Variants in TRIO observed in about 807,000 individuals in gnomAD.
TRIO encodes the protein triple functional domain protein.
Under a neutral mutation model 351.9 loss-of-function variants are expected in TRIO, and 58 were observed. The observed-to-expected ratio is 0.16, with a 90% CI of 0.13 to 0.21. TRIO has a LOEUF of 0.21. TRIO is among the 10% of genes least tolerant of loss of function. The probability of loss-of-function intolerance (pLI) is 1.00; values close to 1 mark genes in which losing one functional copy is unlikely to be tolerated. For missense variants in TRIO, 3,201 were observed against 4,027.8 expected, an observed-to-expected ratio of 0.79 and a Z score of 5.56; for synonymous variants, 1,758 against 1,595.7, an observed-to-expected ratio of 1.10 and a Z score of -2.42.
intron 1 of TRIO, among the ~76,000 whole-genome samples, chr5:14,236,252 A>G (rs1793762076): frequency 6.6e-6 from 1 of 152,200 alleles, no homozygotes; most frequent in African/African-American, 2.4e-5. Context: ...AATGTGTTAA[A>G]AATTTTAGTG....
intron 1 of TRIO, among the ~76,000 whole-genome samples, chr5:14,162,621 G>A (rs1157891728): frequency 2.0e-5 from 3 of 152,024 alleles, no homozygotes; most frequent in Non-Finnish European, 4.4e-5. Flanking sequence ...AGAATAATGA[G>A]CCTGTCTTCC....
chr5:14,300,481 C>T (rs1225754719), intron 7 of TRIO, among the ~76,000 whole-genome samples: 1 of 152,244 alleles, frequency 6.6e-6, no homozygotes, highest in Non-Finnish European at 1.5e-5. Flanking sequence ...ATACACATTT[C>T]TATCCACTCG....
chr5:14,388,373 C>T (rs1446828324), intron 23 of TRIO, among the ~76,000 whole-genome samples: 1 of 152,168 alleles, frequency 6.6e-6, no homozygotes, highest in African/African-American at 2.4e-5. Context: ...CCCCAGATGT[C>T]CACAGTGCCA....
chr5:14,217,887 G>T (rs1048008382), intron 1 of TRIO, among the ~76,000 whole-genome samples: 2 of 152,168 alleles, frequency 1.3e-5, no homozygotes, highest in African/African-American at 4.8e-5. Context: ...CTTTTACACC[G>T]TATTGCCAGT....
chr5:14,465,970 G>C (rs991850945), intron 37 of TRIO: 7 of 315,298 alleles, frequency 2.2e-5, no homozygotes, highest in African/African-American at 1.5e-4. Context: ...GCAGACAGAG[G>C]ATTGCCAACC....
At chr5:14,438,429 C>T (rs1354886745) in intron 34 of TRIO, among the ~76,000 whole-genome samples, 1 of 152,240 alleles carries the variant, frequency 6.6e-6, no homozygotes, top group Non-Finnish European at 1.5e-5. Flanking sequence ...TCAAGCCTTT[C>T]AGTAGCTTCC....
At chr5:14,268,606 A>G (rs919778473) in intron 1 of TRIO, among the ~76,000 whole-genome samples, 1 of 152,226 alleles carries the variant, frequency 6.6e-6, no homozygotes, top group Non-Finnish European at 1.5e-5. Context: ...TCTGAGCAAC[A>G]GAAGGGGGAA....
chr5:14,454,086 T>G (rs1753055343), intron 34 of TRIO, among the ~76,000 whole-genome samples: 1 of 152,130 alleles, frequency 6.6e-6, no homozygotes, highest in Non-Finnish European at 1.5e-5. Flanking sequence ...TGCGACACGA[T>G]GCCAACTAAT....
chr5:14,152,861 G>T (rs914783100), intron 1 of TRIO, among the ~76,000 whole-genome samples: 3 of 152,228 alleles, frequency 2.0e-5, no homozygotes, highest in African/African-American at 7.2e-5. Flanking sequence ...CATGGCAGGG[G>T]CTTCACTGTA....
In TRIO at chr5:14,461,132, C is replaced by T. The variant is rs1753764441; in HGVS notation, c.5317C>T (p.Leu1773=). 1.3e-6 allele frequency: 2 copies of T among 1,556,818 alleles called. No individual in the cohort carries two copies. Among genetic ancestry groups the T allele is most frequent in the Non-Finnish European group, 1.7e-6 (2 of 1,151,046 alleles). ...SPGPKRPGNT[L]RKWLTSPVRR... Reference sequence around the variant, plus strand: ...GGGCCCCAAGCGGCCGGGCAACACCCTGCGCAAGTGGCTCACCAGCCCCGT... The same window carrying T: ...GGGCCCCAAGCGGCCGGGCAACACCTTGCGCAAGTGGCTCACCAGCCCCGT... The change falls in exon 35 of 57, where the codon CTG becomes TTG. Residue 1773 remains leucine, a synonymous_variant. Coordinates refer to ENST00000344204, the MANE Select transcript of TRIO (RefSeq NM_007118.4).
intron 46 of TRIO, among the ~76,000 whole-genome samples, chr5:14,484,087 G>C (rs1190202459): frequency 6.8e-6 from 1 of 146,220 alleles, no homozygotes; most frequent in Admixed American, 6.8e-5. Context: ...CATCCATCCC[G>C]GGCACTGCAC....
rs146286068 is a variant in TRIO, at chr5:14,197,852, C to T, written c.157+53970C>T. ...AAAGGAACCCTGAATATAAGGTACCCGAATCTCTTATACTGGACTGCAAGC... is the reference window on the plus strand; with the variant it reads ...AAAGGAACCCTGAATATAAGGTACCTGAATCTCTTATACTGGACTGCAAGC... On this transcript the variant is annotated intron_variant, in intron 1 of 56. Transcript: ENST00000344204. 9.2e-5 allele frequency among the ~76,000 whole-genome samples: 14 copies of T among 152,244 alleles called. No homozygotes were observed. The East Asian group carries it at 9.7e-4, about 10-fold the overall frequency.
At chr5:14,409,949 G>A (rs1749058372) in intron 33 of TRIO, among the ~76,000 whole-genome samples, 1 of 151,598 alleles carries the variant, frequency 6.6e-6, no homozygotes, top group South Asian at 2.1e-4. Flanking sequence ...AGCCTGCCAC[G>A]CAGCAACACT....
chr5:14,333,611 ATCTGT>A (rs1741110320), intron 10 of TRIO, among the ~76,000 whole-genome samples: 2 of 152,136 alleles, frequency 1.3e-5, no homozygotes, highest in African/African-American at 4.8e-5. Context: ...TCTTTTTCCT[ATCTGT>A]TCTAAGTTCC....
At chr5:14,316,467 G>C in intron 8 of TRIO, 46 bp from the exon 9 acceptor site, 1 of 1,603,642 alleles carries the variant, frequency 6.2e-7, no homozygotes, top group Non-Finnish European at 8.5e-7. Context: ...CACAGCCTAG[G>C]CCAAACCTCA....
At chr5:14,251,410 G>T (rs1160270410) in intron 1 of TRIO, among the ~76,000 whole-genome samples, 1 of 152,148 alleles carries the variant, frequency 6.6e-6, no homozygotes, top group African/African-American at 2.4e-5. Flanking sequence ...AAAAATCATG[G>T]CACCCAAATC....
intron 12 of TRIO, among the ~76,000 whole-genome samples, chr5:14,358,868 A>T (rs1275257505): frequency 6.6e-6 from 1 of 152,010 alleles, no homozygotes; most frequent in Non-Finnish European, 1.5e-5. Flanking sequence ...GGACCATTTA[A>T]CCCCCTACTG....
intron 1 of TRIO, among the ~76,000 whole-genome samples, chr5:14,233,278 C>T (rs762176429): frequency 2.9e-5 from 4 of 140,200 alleles, no homozygotes; most frequent in African/African-American, 5.4e-5. Flanking sequence ...CCCAGGAGTT[C>T]GAGACCAGCC....
At chr5:14,293,831 A>C (rs1737114962) in intron 6 of TRIO, among the ~76,000 whole-genome samples, 1 of 152,148 alleles carries the variant, frequency 6.6e-6, no homozygotes, top group Non-Finnish European at 1.5e-5. Flanking sequence ...TCTATAGGAC[A>C]TTTGCTTGCC....
Sources: gnomAD v4.1 joint callset for allele counts (sites outside exome capture counted in the v4.1 genomes callset) on GRCh38, gnomAD v4.1.1 for gene constraint, MANE v1.5 for transcripts, NCBI Gene and HGNC (gene_info 2026-07-23, HGNC 2026-07-21) for gene names.